Variants in ZC3H7B observed in about 807,000 individuals in gnomAD.
ZC3H7B encodes the protein zinc finger CCCH-type containing 7B, also known as zinc finger CCCH domain-containing protein 7B.
Under a neutral mutation model 116.0 loss-of-function variants are expected in ZC3H7B, and 35 were observed. The observed-to-expected ratio is 0.30, with a 90% CI of 0.23 to 0.40. The LOEUF is 0.40. Among genes scored for constraint, ZC3H7B ranks in the 10% least tolerant of loss-of-function variants. ZC3H7B has a pLI of 1.00. For synonymous variants in ZC3H7B, 502 were observed against 545.6 expected (o/e 0.92, Z 1.11); for missense variants, 1,011 against 1,321.5 (o/e 0.77, Z 3.64).
chr22:41,355,257 A>C (rs1292921302), intron 17 of ZC3H7B, among the ~76,000 whole-genome samples: 1 of 152,212 alleles, frequency 6.6e-6, no homozygotes, highest in Non-Finnish European at 1.5e-5. Flanking sequence ...GGCAGGGACC[A>C]GCCACAGAGG....
intron 1 of ZC3H7B, among the ~76,000 whole-genome samples, chr22:41,306,633 G>A (rs1486096532): frequency 6.6e-6 from 1 of 152,128 alleles, no homozygotes; most frequent in African/African-American, 2.4e-5. Flanking sequence ...GCCTCTCAAA[G>A]TGCTGGGATT....
Position 41,346,371 on chromosome 22 carries a change from C to T in ZC3H7B, c.1665+163C>T, listed in dbSNP as rs936904848. On this transcript the variant is annotated intron_variant, in intron 14 of 22. Coordinates refer to ENST00000352645, the MANE Select transcript of ZC3H7B (RefSeq NM_017590.6). The surrounding 1 kb of genome is among the most constrained non-coding windows in gnomAD (Gnocchi z 5.3). ...CCTGGAGGGTCAGTAAGTCTGGGCC[C>T]TAGGATCCTATCTTGCTAGAGGCCA... Among the ~76,000 whole-genome samples the T allele has an allele frequency of 6.6e-6, 1 of 152,184 alleles. No individual in the cohort carries two copies. Among genetic ancestry groups the T allele is most frequent in the Non-Finnish European group, 1.5e-5 (1 of 68,024 alleles).
intron 1 of ZC3H7B, among the ~76,000 whole-genome samples, chr22:41,308,380 A>G (rs926290008): frequency 6.6e-6 from 1 of 150,808 alleles, no homozygotes; most frequent in Non-Finnish European, 1.5e-5. Context: ...TTCATTCCCA[A>G]CTCCTGTTCA....
intron 14 of ZC3H7B, 50 bp from the exon 15 acceptor site, chr22:41,348,017 C>A: frequency 1.3e-6 from 2 of 1,537,100 alleles, no homozygotes; most frequent in Non-Finnish European, 1.8e-6. Flanking sequence ...CCAGCTCACC[C>A]CCTTCCCAGG....
chr22:41,332,779 A>G (rs1156977518), intron 7 of ZC3H7B: 1 of 152,962 alleles, frequency 6.5e-6, no homozygotes, highest in African/African-American at 2.4e-5. Flanking sequence ...CAGTTTCTGC[A>G]TTCTGAAATG....
rs890702589 is a variant in ZC3H7B, at chr22:41,346,585, G to C, written c.1665+377G>C. 6.6e-6 allele frequency among the ~76,000 whole-genome samples: 1 copy of C among 151,946 alleles called. No homozygotes were observed. The highest frequency in any genetic ancestry group is 2.4e-5 in the African/African-American group (1 of 41,204). On this transcript the variant is annotated intron_variant, in intron 14 of 22. Transcript: ENST00000352645. The surrounding 1 kb of genome is among the most constrained non-coding windows in gnomAD (Gnocchi z 5.3). Reference sequence around the variant, plus strand: ...AATCCCAGCACTTTGGGAGGCTGAGGCGGGCAAATCAATTGAGGTCAGGAG... The same window carrying C: ...AATCCCAGCACTTTGGGAGGCTGAGCCGGGCAAATCAATTGAGGTCAGGAG...
chr22:41,326,258 CCACTGTTTCTTCCATAGCCTCAGCCTCCT>C (rs1450023811), intron 4 of ZC3H7B, among the ~76,000 whole-genome samples: 1 of 152,166 alleles, frequency 6.6e-6, no homozygotes, highest in African/African-American at 2.4e-5. Context: ...CCTCCCGGCC[CCACTGTTTCTTCCATAGCCTCAGCCTCCT>C]CACTGTTCCT....
Position 41,356,524 on chromosome 22 carries a change from C to T in ZC3H7B, c.2517+48C>T, listed in dbSNP as rs1294888477. On this transcript the variant is annotated intron_variant, in intron 21 of 22. Coordinates refer to ENST00000352645, the MANE Select transcript of ZC3H7B (RefSeq NM_017590.6). ...TCGGGGCTGCGGTCGGGGCTGTGGT[C>T]TGAGCCTCACCTGGGAGGGGCAGCC... 6 of 1,611,776 alleles carry T rather than the reference C, an allele frequency of 3.7e-6. No homozygotes were observed. The East Asian group carries it at 8.9e-5, about 24-fold the overall frequency.
At chr22:41,321,660 T>C (rs1569233436) in intron 2 of ZC3H7B, among the ~76,000 whole-genome samples, 1 of 151,864 alleles carries the variant, frequency 6.6e-6, no homozygotes, top group African/African-American at 2.4e-5. Flanking sequence ...CAATCCATCA[T>C]CTTTTTAATC....
chr22:41,327,805 G>T lies in ZC3H7B; in HGVS notation c.444+441G>T, dbSNP rs796527245. Among the ~76,000 whole-genome samples, 15 of 152,190 alleles carry T rather than the reference G, an allele frequency of 9.9e-5. No individual in the cohort carries two copies. Among genetic ancestry groups the T allele is most frequent in the African/African-American group, 3.6e-4 (15 of 41,510 alleles). ...GGGCATGATGGCGTGTGCCTGTTTTGCTAATTCTGTTTAGTTCACAATTAA... is the reference window on the plus strand; with the variant it reads ...GGGCATGATGGCGTGTGCCTGTTTTTCTAATTCTGTTTAGTTCACAATTAA... On this transcript the variant is annotated intron_variant, in intron 5 of 22. Coordinates refer to ENST00000352645, the MANE Select transcript of ZC3H7B (RefSeq NM_017590.6). This position sits in a 1 kb window ranked among gnomAD's most constrained non-coding sequence, Gnocchi z 4.5.
intron 1 of ZC3H7B, among the ~76,000 whole-genome samples, chr22:41,319,751 G>A (rs1225997905): frequency 6.6e-6 from 1 of 152,056 alleles, no homozygotes; most frequent in Non-Finnish European, 1.5e-5. Flanking sequence ...TTTGTTGGCT[G>A]AGCACAGTGG....
chr22:41,308,138 C>T (rs1169286563), intron 1 of ZC3H7B, among the ~76,000 whole-genome samples: 3 of 152,068 alleles, frequency 2.0e-5, no homozygotes, highest in East Asian at 1.9e-4. Flanking sequence ...TCCCTGAGAC[C>T]GAGAACCATG....
At position 41,338,235 on chromosome 22, in the gene ZC3H7B, A is replaced by T. The variant is rs142070425; in HGVS notation, c.583-78A>T. On this transcript the variant is annotated intron_variant, in intron 7 of 22. Transcript: ENST00000352645. The surrounding 1 kb of genome is among the most constrained non-coding windows in gnomAD (Gnocchi z 4.5). ...TCGGTGCTGGGTCAACAGCATAGTC[A>T]CGTGGGGAGGGGCTGGTGCTGGGTG... is the stretch of plus-strand genomic sequence containing the variant. 117 of 1,483,178 alleles carry T rather than the reference A, an allele frequency of 7.9e-5. No individual in the cohort carries two copies. In the African/African-American group the frequency reaches 1.0e-3, roughly 13 times the overall value. The allele number at this position is 1,483,178 out of a possible 1,614,324, so 91.9% of individuals were successfully genotyped here.
At chr22:41,350,879 G>A (rs935696888) in intron 16 of ZC3H7B, among the ~76,000 whole-genome samples, 6 of 152,328 alleles carry the variant, frequency 3.9e-5, no homozygotes, top group East Asian at 1.9e-4. Flanking sequence ...ATTAGCTGTC[G>A]TGGAGCAGGG....
At chr22:41,322,129 G>A (rs1476857893) in intron 2 of ZC3H7B, among the ~76,000 whole-genome samples, 1 of 151,226 alleles carries the variant, frequency 6.6e-6, no homozygotes, top group African/African-American at 2.4e-5. Context: ...GTGAGCCACC[G>A]CGCCCGGCCA....
Position 41,339,062 on chromosome 22 carries a change from G to T in ZC3H7B, c.687G>T (p.Leu229=). 1 of 1,612,168 alleles carries T rather than the reference G, an allele frequency of 6.2e-7. No homozygotes were observed. The highest frequency in any genetic ancestry group is 8.5e-7 in the Non-Finnish European group (1 of 1,179,158). ...TCCCCTCCACGCCCACGATGCCCCT[G>T]TTCCCTCACGTTCTGGACCTGCTGG... is the stretch of plus-strand genomic sequence containing the variant. The part of the protein sequence containing the change: ...ALLPSTPTMP[L]FPHVLDLLAP... The change falls in exon 9 of 23, where the codon CTG becomes CTT. Residue 229 remains leucine (L), a synonymous_variant. Coordinates refer to ENST00000352645, the MANE Select transcript of ZC3H7B (RefSeq NM_017590.6).
intron 4 of ZC3H7B, among the ~76,000 whole-genome samples, chr22:41,326,758 G>A (rs1286784384): frequency 2.6e-5 from 4 of 152,190 alleles, no homozygotes; most frequent in South Asian, 2.1e-4. Context: ...GCCATCCAGC[G>A]AACTCTTCTG....
At chr22:41,343,712 C>CCAG in intron 13 of ZC3H7B, 136 bp downstream of exon 13, 1 of 1,268,670 alleles carries the variant, frequency 7.9e-7, no homozygotes, top group South Asian at 1.8e-5. Context: ...AAGCCACGGC[C>CCAG]TAGGCTCCTG....
At chr22:41,319,688 T>C (rs564036710) in intron 1 of ZC3H7B, among the ~76,000 whole-genome samples, 10 of 152,182 alleles carry the variant, frequency 6.6e-5, no homozygotes, top group African/African-American at 2.4e-4. Context: ...TATTATGTGA[T>C]ATATTTATTG....
Sources: allele counts gnomAD v4.1 joint callset (sites outside exome capture counted in the v4.1 genomes callset), GRCh38; gene constraint gnomAD v4.1.1; non-coding constraint Gnocchi (gnomAD v3.1); transcripts MANE v1.5; gene names NCBI Gene and HGNC (gene_info 2026-07-23, HGNC 2026-07-21).